ME3: variants seen among roughly 807,000 people sequenced by gnomAD.
The protein encoded by ME3 is malic enzyme 3.
In ME3, 48 loss-of-function variants were observed where a neutral mutation model predicts 68.9. That is an observed-to-expected ratio of 0.70 (90% CI 0.55 to 0.89). ME3 has a LOEUF of 0.89. ME3 is among the 40% of genes least tolerant of loss of function. The pLI is 0.00. For missense variants in ME3, 675 were observed against 797.4 expected (o/e 0.85, Z 1.85); for synonymous variants, 320 against 318.8 (o/e 1.00, Z -0.04).
At chr11:86,556,829 T>C in intron 3 of ME3, 127 bp from the exon 4 acceptor site, 1 of 984,506 alleles carries the variant, frequency 1.0e-6, no homozygotes, top group Non-Finnish European at 1.5e-6. Context: ...GCAAGCCATC[T>C]GCCCTGAGCA....
intron 2 of ME3, among the ~76,000 whole-genome samples, chr11:86,654,953 A>G (rs557498701): frequency 8.5e-4 from 130 of 152,334 alleles, no homozygotes; most frequent in Non-Finnish European, 3.4e-4. Flanking sequence ...TACACAAATA[A>G]CAGACAAACA....
At chr11:86,467,041 A>G (rs79248845) in intron 7 of ME3, among the ~76,000 whole-genome samples, 11,725 of 152,274 alleles carry the variant, frequency 0.077, 500 homozygotes, top group South Asian at 0.11. Flanking sequence ...GGCATAATTG[A>G]CAAATACAAA....
At position 86,649,452 on chromosome 11, in the gene ME3, A is replaced by T. The variant is rs149953878; in HGVS notation, c.183+22310T>A. ...CACTCCTATTCAACATAATATTGAC[A>T]GTTCTGGCCAGGGCAATCTGGCATG... On this transcript the variant is annotated intron_variant, in intron 2 of 14. Coordinates refer to ENST00000543262, the Ensembl canonical transcript of ME3. Among the ~76,000 whole-genome samples the T allele has an allele frequency of 3.5e-3, 536 of 152,350 alleles. 2 individuals carry two copies. Among genetic ancestry groups the T allele is most frequent in the African/African-American group, 0.012 (509 of 41,566 alleles).
intron 2 of ME3, among the ~76,000 whole-genome samples, chr11:86,566,729 C>T (rs1957499571): frequency 1.3e-5 from 2 of 152,142 alleles, no homozygotes; most frequent in Non-Finnish European, 2.9e-5. Context: ...GCTTCTTAAA[C>T]CAGGATGCAT....
intron 2 of ME3, among the ~76,000 whole-genome samples, chr11:86,649,496 T>C (rs540774076): frequency 6.6e-6 from 1 of 152,330 alleles, no homozygotes; most frequent in South Asian, 2.1e-4. Flanking sequence ...ATAAAATATA[T>C]TCAAATAGGA....
At chr11:86,467,360 C>T (rs147758161) in intron 7 of ME3, among the ~76,000 whole-genome samples, 3 of 152,050 alleles carry the variant, frequency 2.0e-5, no homozygotes, top group Non-Finnish European at 2.9e-5. Context: ...CTGTGTCTCC[C>T]CACCCACCAT....
chr11:86,612,214 C>T (rs1176331439), intron 2 of ME3, among the ~76,000 whole-genome samples: 1 of 152,220 alleles, frequency 6.6e-6, no homozygotes, highest in East Asian at 1.9e-4. Flanking sequence ...CTTCCAGCTT[C>T]ATCCACGTCC....
At chr11:86,479,815 T>C (rs1159479416) in intron 7 of ME3, among the ~76,000 whole-genome samples, 1 of 34,484 alleles carries the variant, frequency 2.9e-5, no homozygotes, top group Admixed American at 2.7e-4. Flanking sequence ...GATGTCTTTT[T>C]TTCTTTCTTT....
chr11:86,584,817 C>A (rs1958638396), intron 2 of ME3, among the ~76,000 whole-genome samples: 1 of 152,078 alleles, frequency 6.6e-6, no homozygotes, highest in Admixed American at 6.6e-5. Context: ...AGTTTCTAAT[C>A]AATGGGTATA....
At chr11:86,440,294 C>T (rs527513645), downstream of ME3, among the ~76,000 whole-genome samples, 116 of 152,268 alleles carry the variant, frequency 7.6e-4, no homozygotes, top group African/African-American at 2.8e-3. Context: ...CTCTCTCCTG[C>T]CCCCACCCCT....
intron 2 of ME3, among the ~76,000 whole-genome samples, chr11:86,628,950 G>T (rs1409639187): frequency 6.6e-6 from 1 of 152,206 alleles, no homozygotes; most frequent in Non-Finnish European, 1.5e-5. Flanking sequence ...TGCTGTGCTT[G>T]TCATCTGATT....
At chr11:86,444,322 G>A (rs188005900) in intron 13 of ME3, among the ~76,000 whole-genome samples, 1 of 152,230 alleles carries the variant, frequency 6.6e-6, no homozygotes, top group Non-Finnish European at 1.5e-5. Flanking sequence ...CCAAAAGTGA[G>A]GTTGGAGAGG....
intron 2 of ME3, among the ~76,000 whole-genome samples, chr11:86,651,118 C>T (rs1176785655): frequency 6.6e-6 from 1 of 152,220 alleles, no homozygotes. Flanking sequence ...GGGTGGAGAC[C>T]ACCACAGCTC....
chr11:86,519,770 G>A (rs1954137304), intron 4 of ME3, among the ~76,000 whole-genome samples: 1 of 152,236 alleles, frequency 6.6e-6, no homozygotes, highest in South Asian at 2.1e-4. Flanking sequence ...GGTCTAAGAA[G>A]CCCAGGAAGC....
intron 2 of ME3, among the ~76,000 whole-genome samples, chr11:86,669,851 A>T (rs1359016809): frequency 3.9e-5 from 6 of 152,258 alleles, no homozygotes; most frequent in Non-Finnish European, 1.5e-5. Context: ...CATTTTCTTA[A>T]CTACTTAACA....
chr11:86,587,164 G>T (rs997744517), intron 2 of ME3, among the ~76,000 whole-genome samples: 4 of 152,242 alleles, frequency 2.6e-5, no homozygotes, highest in Non-Finnish European at 5.9e-5. Flanking sequence ...GAGGAGAAAA[G>T]CATCCAGGTA....
chr11:86,504,961 G>A (rs765588268), intron 5 of ME3, among the ~76,000 whole-genome samples: 1 of 152,204 alleles, frequency 6.6e-6, no homozygotes, highest in East Asian at 1.9e-4. Flanking sequence ...AAAGTGCTGG[G>A]ATTACAGGCG....
intron 6 of ME3, among the ~76,000 whole-genome samples, chr11:86,494,901 T>G (rs1436772124): frequency 2.0e-5 from 3 of 152,154 alleles, no homozygotes; most frequent in Non-Finnish European, 4.4e-5. Context: ...CAAAATTACA[T>G]TATGATTACA....
intron 2 of ME3, among the ~76,000 whole-genome samples, chr11:86,617,528 A>C (rs1057349318): frequency 2.6e-5 from 4 of 152,184 alleles, no homozygotes; most frequent in African/African-American, 7.2e-5. Flanking sequence ...GAGAAGATTC[A>C]AGATTTTGAA....
Sources: allele counts gnomAD v4.1 joint callset (sites outside exome capture counted in the v4.1 genomes callset), GRCh38; gene constraint gnomAD v4.1.1; transcripts MANE v1.5; gene names NCBI Gene and HGNC (gene_info 2026-07-23, HGNC 2026-07-21).